Variants in TMEM182 observed in about 807,000 individuals in gnomAD.
TMEM182 encodes transmembrane protein 182.
In TMEM182, 20 loss-of-function variants were observed where a neutral mutation model predicts 26.8. The ratio of observed to expected loss-of-function variants is 0.75; its 90% CI spans 0.53 to 1.09. The LOEUF is 1.09. TMEM182 is among the 50% of genes least tolerant of loss of function. The pLI, the probability that TMEM182 is intolerant of heterozygous loss-of-function variation, is 0.00. For missense variants in TMEM182, 277 were observed against 275.5 expected (o/e 1.01, Z -0.04); for synonymous variants, 109 against 102.2 (o/e 1.07, Z -0.40).
intron 3 of TMEM182, among the ~76,000 whole-genome samples, chr2:102,837,568 C>A (rs1683269752): frequency 6.6e-6 from 1 of 150,466 alleles, no homozygotes; most frequent in Non-Finnish European, 1.5e-5. Flanking sequence ...GGTCTGGGGG[C>A]TGTTGTGGTG....
Position 102,816,637 on chromosome 2 carries a change from C to G in TMEM182, c.*1669C>G, listed in dbSNP as rs534168663. The G allele has an allele frequency of 2.0e-6, 2 of 985,486 alleles. No homozygotes were observed. Among genetic ancestry groups the G allele is most frequent in the East Asian group, 1.1e-4 (1 of 8,816 alleles). The allele number at this position is 985,486 out of a possible 1,614,324, so 61.0% of individuals were successfully genotyped here. A position where few individuals can be genotyped will look rare whatever the true frequency, so the allele number is the denominator to read the frequency against. The stretch of plus-strand genomic sequence containing the variant: ...TACTTCCCTTTGTCTTTCACTGTTT[C>G]ATTTTTATATTGCTTCATTTACTTC... On this transcript the variant is annotated 3_prime_UTR_variant, in exon 5 of 5. Transcript: ENST00000412401.
chr2:102,768,797 TTTATCTAG>T (rs1558761178), intron 3 of TMEM182, among the ~76,000 whole-genome samples: 1 of 152,054 alleles, frequency 6.6e-6, no homozygotes, highest in Non-Finnish European at 1.5e-5. Context: ...TCAATGTTTA[TTTATCTAG>T]TACTATTTTC....
At chr2:102,791,747 A>G (rs141743292) in intron 3 of TMEM182, among the ~76,000 whole-genome samples, 2 of 152,340 alleles carry the variant, frequency 1.3e-5, no homozygotes, top group East Asian at 1.9e-4. Flanking sequence ...AGGCACTAAT[A>G]GAAGTTCAAT....
At position 102,769,042 on chromosome 2, in the gene TMEM182, G is replaced by C. The variant is rs189591923; in HGVS notation, c.331+4615G>C. 7.9e-4 allele frequency among the ~76,000 whole-genome samples: 120 copies of C among 152,204 alleles called. 2 individuals are homozygous for C. Among genetic ancestry groups the C allele is most frequent in the African/African-American group, 2.8e-3 (117 of 41,546 alleles). ...TCAACTGTTTCTTCTACCATCCTTG[G>C]GGGTGGACAGTCACCTTCATGCTCT... On this transcript the variant is annotated intron_variant, in intron 3 of 4. Transcript: ENST00000412401.
intron 3 of TMEM182, among the ~76,000 whole-genome samples, chr2:102,790,357 C>T (rs935395471): frequency 6.6e-6 from 1 of 152,206 alleles, no homozygotes; most frequent in African/African-American, 2.4e-5. Context: ...ACAGTTAAAA[C>T]GTCAGGCTGC....
chr2:102,808,665 A>G (rs1208144366), intron 4 of TMEM182, among the ~76,000 whole-genome samples: 1 of 152,234 alleles, frequency 6.6e-6, no homozygotes, highest in Non-Finnish European at 1.5e-5. Flanking sequence ...CATTCATAAT[A>G]GTTAGAACAA....
In TMEM182 at chr2:102,816,250, TG is replaced by T. The variant is rs1229942939; in HGVS notation, c.*1284del. 2 of 985,250 alleles carry T rather than the reference TG, an allele frequency of 2.0e-6. No homozygotes were observed. Among genetic ancestry groups the T allele is most frequent in the Admixed American group, 6.2e-5 (1 of 16,250 alleles). 61.0% of individuals were successfully genotyped at this position (985,250 alleles called of 1,614,324 possible). A position where few individuals can be genotyped will look rare whatever the true frequency, so the allele number is the denominator to read the frequency against. On this transcript the variant is annotated 3_prime_UTR_variant, in exon 5 of 5. Transcript: ENST00000412401. ...GCTCGGCAGGGTATGTGAGCTTTGT[TG>T]GAGGTGCGGTGTTTCATTCTGCAGC...
At chr2:102,788,166 G>A (rs1681477733) in intron 3 of TMEM182, among the ~76,000 whole-genome samples, 1 of 152,206 alleles carries the variant, frequency 6.6e-6, no homozygotes, top group South Asian at 2.1e-4. Flanking sequence ...GTGTAACAGG[G>A]ATTACACAGT....
At chr2:102,829,892 A>C (rs2104774359) in intron 3 of TMEM182, among the ~76,000 whole-genome samples, 1 of 152,148 alleles carries the variant, frequency 6.6e-6, no homozygotes, top group Admixed American at 6.5e-5. Context: ...ATATTTGGAA[A>C]CCCAAAGATC....
chr2:102,789,364 T>C (rs1302123773), intron 3 of TMEM182, among the ~76,000 whole-genome samples: 1 of 152,258 alleles, frequency 6.6e-6, no homozygotes, highest in East Asian at 1.9e-4. Context: ...TGTGATCATT[T>C]GGGTTGACTT....
chr2:102,818,759 T>TATCTATCTATCTATC (rs1282921200), downstream of TMEM182, among the ~76,000 whole-genome samples: 5 of 79,508 alleles, frequency 6.3e-5, no homozygotes, highest in African/African-American at 2.0e-4. Flanking sequence ...TCTATCTATC[T>TATCTATCTATCTATC]ATCTATCTAT....
intron 4 of TMEM182, among the ~76,000 whole-genome samples, chr2:102,806,697 T>G (rs1455051961): frequency 6.6e-6 from 1 of 152,218 alleles, no homozygotes; most frequent in African/African-American, 2.4e-5. Flanking sequence ...TAGCCCATGC[T>G]TATTAGTTGT....
At chr2:102,761,761 A>T (rs17027914), upstream of TMEM182, among the ~76,000 whole-genome samples, 2,768 of 152,290 alleles carry the variant, frequency 0.018, 73 homozygotes, top group African/African-American at 0.061. Flanking sequence ...GGCATTCTAG[A>T]CTAAGAGGAG....
downstream of TMEM182, among the ~76,000 whole-genome samples, chr2:102,820,080 G>C (rs1216029079): frequency 2.0e-5 from 3 of 152,104 alleles, no homozygotes; most frequent in African/African-American, 7.2e-5. Context: ...TGTCTTAGTT[G>C]GTTTATTCTT....
intron 3 of TMEM182, among the ~76,000 whole-genome samples, chr2:102,780,049 AT>A (rs779455881): frequency 0.039 from 5,494 of 140,000 alleles, 246 homozygotes; most frequent in African/African-American, 0.12. Flanking sequence ...GCCATTGAAG[AT>A]TTTTTTTTTT....
chr2:102,800,797 T>TTGTGTGTG (rs71378190), intron 4 of TMEM182, among the ~76,000 whole-genome samples: 36 of 137,874 alleles, frequency 2.6e-4, no homozygotes, highest in East Asian at 6.5e-4. Flanking sequence ...TTTGGACAGT[T>TTGTGTGTG]TGTGTGTGTG....
chr2:102,756,780 A>G (rs1680050765), intron 1 of TMEM182, among the ~76,000 whole-genome samples: 2 of 151,628 alleles, frequency 1.3e-5, no homozygotes, highest in South Asian at 4.2e-4. Flanking sequence ...ATGAAAGGAA[A>G]CTCCAACTCT....
intron 1 of TMEM182, among the ~76,000 whole-genome samples, chr2:102,756,353 C>T (rs772754818): frequency 6.6e-6 from 1 of 152,178 alleles, no homozygotes; most frequent in East Asian, 1.9e-4. Context: ...ATTTGACACA[C>T]GTCATCTTAC....
At chr2:102,747,554 A>G (rs1190023917) in intron 1 of TMEM182, among the ~76,000 whole-genome samples, 2 of 152,070 alleles carry the variant, frequency 1.3e-5, no homozygotes, top group East Asian at 1.9e-4. Context: ...TCTGCACAGT[A>G]GTTAGTCAGG....
Sources: allele counts gnomAD v4.1 joint callset (sites outside exome capture counted in the v4.1 genomes callset), GRCh38; gene constraint gnomAD v4.1.1; transcripts MANE v1.5; gene names NCBI Gene and HGNC (gene_info 2026-07-23, HGNC 2026-07-21).